The following THRB variants were observed in gnomAD, a reference collection of about 807,000 sequenced individuals.
The protein encoded by THRB is thyroid hormone receptor beta.
A neutral mutation model predicts 47.8 loss-of-function variants in THRB; 12 were observed. The ratio of observed to expected loss-of-function variants is 0.25; its 90% CI spans 0.16 to 0.41. THRB has a LOEUF of 0.41. Ranked by LOEUF, THRB falls within the 10% of genes least tolerant of loss-of-function variation. The pLI is 1.00. For synonymous variants in THRB, 218 were observed against 212.2 expected (o/e 1.03, Z -0.24); for missense variants, 348 against 589.2 (o/e 0.59, Z 4.24).
rs544132449 is a variant in THRB, at chr3:24,395,589, G to C, written c.-260-58218C>G. On this transcript the variant is annotated intron_variant, in intron 1 of 10. Transcript: ENST00000646209. ...ATACCATTTCACACCCACTAGAATG[G>C]CTATCATCAAAACAAGATAAAAACA... Among the ~76,000 whole-genome samples, 176 of 152,112 alleles carry C rather than the reference G, an allele frequency of 1.2e-3. 1 individual carries two copies. The highest frequency in any genetic ancestry group is 4.1e-3 in the African/African-American group (170 of 41,508).
At chr3:24,130,621 A>C (rs1372280842) in intron 9 of THRB, among the ~76,000 whole-genome samples, 1 of 152,164 alleles carries the variant, frequency 6.6e-6, no homozygotes. Context: ...CCATCCCCTC[A>C]GACAAAAGAG....
chr3:24,215,643 C>G (rs2046483553), intron 4 of THRB, among the ~76,000 whole-genome samples: 1 of 152,184 alleles, frequency 6.6e-6, no homozygotes, highest in Non-Finnish European at 1.5e-5. Context: ...CTTTATGACA[C>G]AGACTCATTA....
intron 3 of THRB, among the ~76,000 whole-genome samples, chr3:24,264,458 C>T (rs2052430964): frequency 6.6e-6 from 1 of 152,002 alleles, no homozygotes; most frequent in Admixed American, 6.6e-5. Context: ...TCAGCTTTAC[C>T]CTGACACTTG....
At chr3:24,332,539 G>A (rs2061990809) in intron 2 of THRB, among the ~76,000 whole-genome samples, 1 of 152,186 alleles carries the variant, frequency 6.6e-6, no homozygotes, top group African/African-American at 2.4e-5. Flanking sequence ...ACAGGGGCTT[G>A]CAGATAGACC....
intron 1 of THRB, among the ~76,000 whole-genome samples, chr3:24,473,751 T>C (rs1223431227): frequency 6.6e-6 from 1 of 152,180 alleles, no homozygotes; most frequent in Non-Finnish European, 1.5e-5. Flanking sequence ...ACATATACTA[T>C]GGAGCCATAA....
At chr3:24,223,269 TGA>T (rs10579957) in intron 4 of THRB, among the ~76,000 whole-genome samples, 14,429 of 152,168 alleles carry the variant, frequency 0.095, 743 homozygotes, top group Non-Finnish European at 0.12. Context: ...AAGGTAAGTA[TGA>T]GAGAGAAAAA....
intron 1 of THRB, among the ~76,000 whole-genome samples, chr3:24,376,576 G>A (rs897263622): frequency 3.9e-5 from 6 of 152,116 alleles, no homozygotes; most frequent in Non-Finnish European, 8.8e-5. Flanking sequence ...CAAAAGGTCA[G>A]ATGTTGGAGT....
intron 2 of THRB, among the ~76,000 whole-genome samples, chr3:24,319,892 C>A (rs1337539519): frequency 1.3e-5 from 2 of 152,134 alleles, no homozygotes. Flanking sequence ...GGCATGGTTG[C>A]GGAACACAGC....
At chr3:24,266,831 C>A (rs966185261) in intron 3 of THRB, among the ~76,000 whole-genome samples, 2 of 151,362 alleles carry the variant, frequency 1.3e-5, no homozygotes. Flanking sequence ...CCATATTAAA[C>A]ATAAATAAGA....
intron 1 of THRB, among the ~76,000 whole-genome samples, chr3:24,474,954 C>CT (rs1695230041): frequency 6.6e-6 from 1 of 152,180 alleles, no homozygotes; most frequent in South Asian, 2.1e-4. Context: ...ATGAACTGCA[C>CT]TTTTTAATTG....
intron 7 of THRB, chr3:24,144,973 T>C (rs1244523373): frequency 1.3e-5 from 2 of 151,736 alleles, no homozygotes; most frequent in Non-Finnish European, 2.9e-5. Flanking sequence ...CATTTAAATA[T>C]TCTAATTTAA....
chr3:24,349,769 A>G (rs775842596), intron 1 of THRB, among the ~76,000 whole-genome samples: 1 of 152,146 alleles, frequency 6.6e-6, no homozygotes, highest in Non-Finnish European at 1.5e-5. Flanking sequence ...GAATATATTC[A>G]TGATTTGGGG....
At chr3:24,254,874 T>C (rs569028052) in intron 3 of THRB, among the ~76,000 whole-genome samples, 2 of 152,372 alleles carry the variant, frequency 1.3e-5, no homozygotes, top group South Asian at 2.1e-4. Flanking sequence ...TAGAATCACA[T>C]TGAGGAAGAA....
intron 2 of THRB, among the ~76,000 whole-genome samples, chr3:24,298,716 G>A (rs897354372): frequency 5.9e-5 from 9 of 152,246 alleles, no homozygotes; most frequent in Non-Finnish European, 1.0e-4. Context: ...GAATTGCCAA[G>A]ATTTGGCCTC....
At chr3:24,314,506 A>G (rs550125144) in intron 2 of THRB, among the ~76,000 whole-genome samples, 2 of 152,260 alleles carry the variant, frequency 1.3e-5, no homozygotes, top group South Asian at 4.2e-4. Context: ...GTATTTTCTG[A>G]GGAGAGGTCT....
chr3:24,173,140 C>CGG (rs781091868), intron 5 of THRB, among the ~76,000 whole-genome samples: 32 of 152,116 alleles, frequency 2.1e-4, no homozygotes, highest in Non-Finnish European at 4.4e-5. Context: ...ATCGTAAACT[C>CGG]TGGGGGGTGG....
At chr3:24,321,413 T>G (rs1022856545) in intron 2 of THRB, among the ~76,000 whole-genome samples, 1 of 152,182 alleles carries the variant, frequency 6.6e-6, no homozygotes, top group African/African-American at 2.4e-5. Context: ...TACAGTTATC[T>G]TTTGCTTTTA....
chr3:24,354,051 G>A (rs911919042), intron 1 of THRB, among the ~76,000 whole-genome samples: 2 of 152,114 alleles, frequency 1.3e-5, no homozygotes, highest in Admixed American at 1.3e-4. Context: ...ATCACTGATG[G>A]ACATTTAGGT....
intron 3 of THRB, among the ~76,000 whole-genome samples, chr3:24,269,399 GCGCGCACACACACACACA>G (rs1279975847): frequency 2.2e-5 from 2 of 89,872 alleles, no homozygotes; most frequent in Non-Finnish European, 4.6e-5. Context: ...GCGCGCGCGC[GCGCGCACACACACACACA>G]CACACACACA....
Sources: allele counts gnomAD v4.1 joint callset (sites outside exome capture counted in the v4.1 genomes callset), GRCh38; gene constraint gnomAD v4.1.1; transcripts MANE v1.5; gene names NCBI Gene and HGNC (gene_info 2026-07-23, HGNC 2026-07-21).